The following SUGP1 variants were observed in gnomAD, a reference collection of about 807,000 sequenced individuals.
The protein encoded by SUGP1 is SURP and G-patch domain-containing protein 1.
A neutral mutation model predicts 76.5 loss-of-function variants in SUGP1; 34 were observed. That is an observed-to-expected ratio of 0.44 (90% CI 0.34 to 0.59). The LOEUF is 0.59. Among genes scored for constraint, SUGP1 ranks in the 20% least tolerant of loss-of-function variants. The probability of loss-of-function intolerance (pLI) is 0.01; values close to 1 mark genes in which losing one functional copy is unlikely to be tolerated. For synonymous variants in SUGP1, 326 were observed against 326.2 expected (o/e 1.00, Z 0.01); for missense variants, 752 against 851.7 (o/e 0.88, Z 1.46).
chr19:19,292,903 T>C (rs1458810415), intron 8 of SUGP1, among the ~76,000 whole-genome samples: 1 of 151,974 alleles, frequency 6.6e-6, no homozygotes, highest in African/African-American at 2.4e-5. Context: ...TGATTTTATG[T>C]ATTTATTTAC....
At chr19:19,284,846 G>GA (rs1245637030) in intron 8 of SUGP1, among the ~76,000 whole-genome samples, 1 of 151,530 alleles carries the variant, frequency 6.6e-6, no homozygotes, top group Non-Finnish European at 1.5e-5. Flanking sequence ...CATTGAGAAG[G>GA]AAAGATATGC....
intron 7 of SUGP1, among the ~76,000 whole-genome samples, chr19:19,297,854 C>T (rs550178778): frequency 6.6e-6 from 1 of 152,328 alleles, no homozygotes; most frequent in Non-Finnish European, 1.5e-5. Context: ...GGAAGTGTGG[C>T]TTCCAGTGAG....
At position 19,317,808 on chromosome 19, in the gene SUGP1, C is replaced by CTTTTT. The variant is rs781257871; in HGVS notation, c.35-1220_35-1216dup. 8.1e-5 allele frequency among the ~76,000 whole-genome samples: 9 copies of CTTTTT among 110,590 alleles called. 2 individuals carry two copies. The highest frequency in any genetic ancestry group is 1.3e-4 in the Non-Finnish European group (7 of 55,548). 72.6% of individuals were successfully genotyped at this position (110,590 alleles called of 152,430 possible). A position where few individuals can be genotyped will look rare whatever the true frequency, so the allele number is the denominator to read the frequency against. ...GGCATGAGGCACCGTGCCCCAGTGG[C>CTTTTT]TTTTTTTTTTTTTTTTTTTTGAGGC... On this transcript the variant is annotated intron_variant, in intron 1 of 13. Transcript: ENST00000247001.
At chr19:19,300,248 A>T (rs2061260795) in intron 7 of SUGP1, among the ~76,000 whole-genome samples, 1 of 144,832 alleles carries the variant, frequency 6.9e-6, no homozygotes, top group African/African-American at 2.6e-5. Flanking sequence ...GTTAATTTCT[A>T]TATTTTTAGT....
intron 8 of SUGP1, among the ~76,000 whole-genome samples, chr19:19,284,916 C>A (rs2061127805): frequency 6.6e-6 from 1 of 151,676 alleles, no homozygotes; most frequent in Non-Finnish European, 1.5e-5. Context: ...CTCTTTCGCC[C>A]AGGCCGGACT....
At chr19:19,312,223 T>TA (rs942164083) in intron 2 of SUGP1, among the ~76,000 whole-genome samples, 8 of 151,192 alleles carry the variant, frequency 5.3e-5, no homozygotes, top group Admixed American at 2.0e-4. Flanking sequence ...TAAGATCATT[T>TA]AAAAAAAAAT....
At chr19:19,299,343 C>T (rs1035195774) in intron 7 of SUGP1, among the ~76,000 whole-genome samples, 3 of 151,712 alleles carry the variant, frequency 2.0e-5, no homozygotes, top group Non-Finnish European at 4.4e-5. Flanking sequence ...AGAGGTTGGA[C>T]GCTGACTGTG....
At chr19:19,287,819 A>G (rs542414209) in intron 8 of SUGP1, among the ~76,000 whole-genome samples, 1 of 152,318 alleles carries the variant, frequency 6.6e-6, no homozygotes, top group Non-Finnish European at 1.5e-5. Context: ...ATGGTAGAAG[A>G]AGGAATAATA....
chr19:19,282,049 G>A (rs2061102841), intron 8 of SUGP1, among the ~76,000 whole-genome samples: 1 of 152,140 alleles, frequency 6.6e-6, no homozygotes. Context: ...GTGCGATCTT[G>A]GCTCACTGCA....
intron 12 of SUGP1, 70 bp downstream of exon 12, chr19:19,277,664 A>C: frequency 1.0e-5 from 16 of 1,569,616 alleles, no homozygotes; most frequent in Non-Finnish European, 1.4e-5. Flanking sequence ...AAGGGGTGGG[A>C]ATGGGGAGGC....
Position 19,316,528 on chromosome 19 carries a change from G to C in SUGP1, c.100C>G (p.His34Asp), listed in dbSNP as rs2061395218. The C allele has an allele frequency of 6.2e-7, 1 of 1,613,848 alleles. No homozygotes were observed. Among genetic ancestry groups the C allele is most frequent in the African/African-American group, 1.3e-5 (1 of 74,858 alleles). ...TTCTGAGCGATGAGCTCTTCCTGGTGAAGGATGTTCATGTTCATTTTTCCA... is the reference window on the plus strand; with the variant it reads ...TTCTGAGCGATGAGCTCTTCCTGGTCAAGGATGTTCATGTTCATTTTTCCA... ...KSGKMNMNILHQEELIAQKKR... is the reference protein window; with the variant it reads ...KSGKMNMNILDQEELIAQKKR... The change falls in exon 2 of 14, where the codon CAC (histidine) becomes GAC (aspartate). Residue 34 changes from histidine (H) to aspartate (D), a missense_variant. Physicochemically the swap from His to Asp is moderately conservative, Grantham distance 81. Coordinates refer to ENST00000247001, the MANE Select transcript of SUGP1 (RefSeq NM_172231.4).
At chr19:19,283,444 TTTTTTTTCCTTC>T (rs1227508578) in intron 8 of SUGP1, among the ~76,000 whole-genome samples, 1 of 151,500 alleles carries the variant, frequency 6.6e-6, no homozygotes, top group Non-Finnish European at 1.5e-5. Context: ...CAGCTAGTTT[TTTTTTTTCCTTC>T]TTTTTTTTCT....
In SUGP1 at chr19:19,297,302, T is replaced by C. The variant is rs370528068; in HGVS notation, c.930A>G (p.Arg310=). Residue 310 remains arginine, a synonymous_variant, in exon 8 of 14, where the codon CGA becomes CGG. Transcript: ENST00000247001. ...CTTTCCGGAACTCCTCCAGCTTCTG[T>C]CGGTAGTACTTGTACCCTTGGCTAT... ...EPNSQGYKYY[R]QKLEEFRKAK... is the part of the protein sequence containing the mutation. The C allele has an allele frequency of 3.9e-6, 6 of 1,540,392 alleles. No individual in the cohort carries two copies. The highest frequency in any genetic ancestry group is 2.5e-5 in the South Asian group (2 of 81,034).
chr19:19,300,277 T>C (rs936474723), intron 7 of SUGP1, among the ~76,000 whole-genome samples: 1 of 147,812 alleles, frequency 6.8e-6, no homozygotes, highest in African/African-American at 2.5e-5. Flanking sequence ...GGTTTCGCCA[T>C]GTTGGCCAGG....
chr19:19,276,552 C>T lies in SUGP1; in HGVS notation c.*96G>A. 6.7e-7 allele frequency: 1 copy of T among 1,488,838 alleles called. No homozygotes were observed. Among genetic ancestry groups the T allele is most frequent in the Non-Finnish European group, 9.3e-7 (1 of 1,071,632 alleles). The allele number at this position is 1,488,838 out of a possible 1,614,324, so 92.2% of individuals were successfully genotyped here. On this transcript the variant is annotated 3_prime_UTR_variant, in exon 14 of 14. Transcript: ENST00000247001. ...TGGGACTTTATTACACGGCACGGCA[C>T]TCGTGACAACGGAAGGGGTGGGCAG...
intron 7 of SUGP1, among the ~76,000 whole-genome samples, chr19:19,298,218 C>G (rs1261594988): frequency 6.9e-6 from 1 of 145,266 alleles, no homozygotes; most frequent in African/African-American, 2.6e-5. Context: ...GTTACAGAGG[C>G]CGGGCGCGGT....
intron 1 of SUGP1, among the ~76,000 whole-genome samples, chr19:19,317,694 T>G (rs900458919): frequency 6.6e-6 from 1 of 152,060 alleles, no homozygotes; most frequent in African/African-American, 2.4e-5. Context: ...ATTTTTAAAT[T>G]TTTTCATAGA....
chr19:19,311,644 G>A (rs909063331), intron 2 of SUGP1, among the ~76,000 whole-genome samples: 6 of 150,996 alleles, frequency 4.0e-5, no homozygotes, highest in African/African-American at 7.3e-5. Flanking sequence ...GAAGAATGGC[G>A]TGAACCAAGG....
intron 3 of SUGP1, 101 bp downstream of exon 3, chr19:19,309,996 G>T (rs571836640): frequency 1.5e-5 from 12 of 791,564 alleles, no homozygotes; most frequent in South Asian, 1.4e-4. Context: ...ATGATTACCG[G>T]TGAGCAGGAG....
Sources: gnomAD v4.1 joint callset for allele counts (sites outside exome capture counted in the v4.1 genomes callset) on GRCh38, gnomAD v4.1.1 for gene constraint, MANE v1.5 for transcripts, NCBI Gene and HGNC (gene_info 2026-07-23, HGNC 2026-07-21) for gene names.